Variants in AGTPBP1 observed in about 807,000 individuals in gnomAD.
The protein encoded by AGTPBP1 is ATP/GTP binding carboxypeptidase 1.
A neutral mutation model predicts 143.9 loss-of-function variants in AGTPBP1; 70 were observed. That is an observed-to-expected ratio of 0.49 (90% CI 0.40 to 0.59). The LOEUF is 0.59. AGTPBP1 is among the 20% of genes least tolerant of loss of function. The probability of loss-of-function intolerance (pLI) is 0.00; values close to 1 mark genes in which losing one functional copy is unlikely to be tolerated. For synonymous variants in AGTPBP1, 463 were observed against 500.2 expected (o/e 0.93, Z 0.99); for missense variants, 1,229 against 1,464.5 (o/e 0.84, Z 2.62).
At chr9:85,668,749 G>A (rs1448378693) in intron 8 of AGTPBP1, among the ~76,000 whole-genome samples, 3 of 151,394 alleles carry the variant, frequency 2.0e-5, no homozygotes, top group African/African-American at 7.3e-5. Flanking sequence ...GTTCAGAATT[G>A]TTAAACACAA....
Position 85,741,813 on chromosome 9 carries a change from C to T in AGTPBP1, c.-72G>A. On this transcript the variant is annotated 5_prime_UTR_variant, in exon 1 of 26. Coordinates refer to ENST00000357081, the MANE Select transcript of AGTPBP1 (RefSeq NM_001330701.2). ...GGCGCTGGCGGGGACCGCGCAGAGC[C>T]GCAGCACCCGGCTCAGCACCTGGAT... 1 of 1,382,130 alleles carries T rather than the reference C, an allele frequency of 7.2e-7. No homozygotes were observed. The highest frequency in any genetic ancestry group is 9.3e-7 in the Non-Finnish European group (1 of 1,069,730). 85.6% of individuals were successfully genotyped at this position (1,382,130 alleles called of 1,614,324 possible).
At chr9:85,753,384 A>T in the AGTPBP1 span, 4 of 1,613,952 alleles carry the variant, frequency 2.5e-6, no homozygotes, top group South Asian at 4.4e-5. Flanking sequence ...CTTGAAAAGG[A>T]GAAAAGGTTC....
At chr9:85,642,494 A>C (rs1832544749) in intron 13 of AGTPBP1, among the ~76,000 whole-genome samples, 1 of 151,836 alleles carries the variant, frequency 6.6e-6, no homozygotes, top group East Asian at 1.9e-4. Context: ...ACACCCAGCT[A>C]ATTTTTTTTT....
At chr9:85,622,254 GA>G (rs1830981461) in intron 14 of AGTPBP1, among the ~76,000 whole-genome samples, 1 of 152,294 alleles carries the variant, frequency 6.6e-6, no homozygotes, top group South Asian at 2.1e-4. Context: ...AGCAGGGTGA[GA>G]AAGTGTACCA....
chr9:85,549,768 G>A (rs879708287), intron 25 of AGTPBP1, among the ~76,000 whole-genome samples: 2 of 152,186 alleles, frequency 1.3e-5, no homozygotes, highest in Admixed American at 1.3e-4. Flanking sequence ...TGGAAGGCAA[G>A]TACCTGGAAA....
At chr9:85,699,315 A>G (rs141337256) in intron 2 of AGTPBP1, among the ~76,000 whole-genome samples, 159 of 152,136 alleles carry the variant, frequency 1.0e-3, no homozygotes, top group Middle Eastern at 3.4e-3. Flanking sequence ...TTATCACTCA[A>G]ATATTTGTTT....
At position 85,579,084 on chromosome 9, in the gene AGTPBP1, T is replaced by C. The variant is rs368278786; in HGVS notation, c.3178A>G (p.Ile1060Val). 1 of 1,599,578 alleles carries C rather than the reference T, an allele frequency of 6.3e-7. No homozygotes were observed. Among genetic ancestry groups the C allele is most frequent in the South Asian group, 1.1e-5 (1 of 87,594 alleles). ...AATGCTGGGGCGATATGGCTCAGTA[T>C]CTTAGGCAATGTCTGTTAAAAACAA... ...EDTGYRTLPK[I>V]LSHIAPAFCM... Residue 1060 changes from isoleucine to valine, a missense_variant, in exon 24 of 26, where the codon ATA becomes GTA. Coordinates refer to ENST00000357081, the MANE Select transcript of AGTPBP1 (RefSeq NM_001330701.2).
At chr9:85,721,640 T>C (rs1414168809) in intron 1 of AGTPBP1, among the ~76,000 whole-genome samples, 3 of 152,216 alleles carry the variant, frequency 2.0e-5, no homozygotes, top group South Asian at 2.1e-4. Context: ...CCAGTCTATG[T>C]CTTTTAATTG....
chr9:85,585,374 A>T, intron 23 of AGTPBP1, 89 bp downstream of exon 23: 3 of 1,232,406 alleles, frequency 2.4e-6, no homozygotes, highest in Non-Finnish European at 3.2e-6. Flanking sequence ...GTCAATATTT[A>T]TTGAATGTGA....
In AGTPBP1 at chr9:85,672,612, T is replaced by C. The variant is rs1834555789; in HGVS notation, c.506A>G (p.Asn169Ser). 6.2e-7 allele frequency: 1 copy of C among 1,613,932 alleles called. No individual in the cohort carries two copies. Among genetic ancestry groups the C allele is most frequent in the Non-Finnish European group, 8.5e-7 (1 of 1,179,930 alleles). ...LNITLNLVKQ[N>S]LQNHRLVLPC... ...TAGAACCAAGCGATGATTCTGCAAA[T>C]TCTGCTTGACCAAATTCAGGGTTAT... Residue 169 changes from asparagine to serine, a missense_variant, in exon 7 of 26, where the codon AAT becomes AGT. Asn to Ser is a conservative substitution (Grantham distance 46). This residue lies in a region of AGTPBP1 where 743 missense variants were observed against 812.2 expected (regional missense o/e 0.91). Transcript: ENST00000357081.
rs764508777 is a variant in AGTPBP1 at position 85,681,305 on chromosome 9, C to T, written c.188G>A (p.Gly63Asp). 1.9e-6 allele frequency: 3 copies of T among 1,612,254 alleles called. No homozygotes were observed. The highest frequency in any genetic ancestry group is 1.7e-6 in the Non-Finnish European group (2 of 1,179,626). Residue 63 changes from glycine (G) to aspartate (D), a missense_variant, in exon 4 of 26, where the codon GGT becomes GAT. Around this residue, in one of 2 missense-constraint regions of AGTPBP1, gnomAD observed 743 missense variants for 812.2 expected, o/e 0.91. Transcript: ENST00000357081. ...EKTRREMTAKGSTGMEILLST... is the reference protein window; with the variant it reads ...EKTRREMTAKDSTGMEILLST... ...CAGCAGAATTTCCATTCCTGTAGAA[C>T]CTTTGGCTGTCATTTCTCTCCTTGT...
chr9:85,697,183 A>C (rs530278120), intron 2 of AGTPBP1, among the ~76,000 whole-genome samples: 7 of 152,196 alleles, frequency 4.6e-5, no homozygotes, highest in African/African-American at 7.2e-5. Context: ...AACACACACA[A>C]AAAAATGTAT....
intron 25 of AGTPBP1, among the ~76,000 whole-genome samples, chr9:85,568,134 G>A (rs1827227046): frequency 6.6e-6 from 1 of 152,170 alleles, no homozygotes; most frequent in Non-Finnish European, 1.5e-5. Context: ...GTGGTCCATT[G>A]ACCAGTGTGG....
chr9:85,735,513 A>T (rs1839187364), intron 1 of AGTPBP1, among the ~76,000 whole-genome samples: 1 of 152,242 alleles, frequency 6.6e-6, no homozygotes, highest in South Asian at 2.1e-4. Context: ...TACACACTTA[A>T]AAGTGATTTA....
At chr9:85,637,176 G>A (rs1418564315) in intron 13 of AGTPBP1, among the ~76,000 whole-genome samples, 1 of 151,716 alleles carries the variant, frequency 6.6e-6, no homozygotes, top group Non-Finnish European at 1.5e-5. Flanking sequence ...CAAACAGCTG[G>A]GATTACAGGT....
chr9:85,562,038 G>T lies in AGTPBP1; in HGVS notation c.3503+13277C>A, dbSNP rs141356392. Reference sequence around the variant, plus strand: ...GTAGAGATGGGGTTTCACCATCTTGGCCAGGATGCTCTTGAACTCCTCACC... The same window carrying T: ...GTAGAGATGGGGTTTCACCATCTTGTCCAGGATGCTCTTGAACTCCTCACC... On this transcript the variant is annotated intron_variant, in intron 25 of 25. Coordinates refer to ENST00000357081, the MANE Select transcript of AGTPBP1 (RefSeq NM_001330701.2). Among the ~76,000 whole-genome samples the T allele has an allele frequency of 3.7e-3, 555 of 151,916 alleles. 4 individuals are homozygous for T. Among genetic ancestry groups the T allele is most frequent in the South Asian group, 0.011 (53 of 4,802 alleles).
At chr9:85,653,802 T>C (rs1329415365) in intron 11 of AGTPBP1, among the ~76,000 whole-genome samples, 1 of 152,228 alleles carries the variant, frequency 6.6e-6, no homozygotes, top group Non-Finnish European at 1.5e-5. Context: ...ATTTGTTCCA[T>C]GCCCCTCTTA....
chr9:85,719,054 C>T (rs975967852), intron 1 of AGTPBP1, among the ~76,000 whole-genome samples: 1 of 152,130 alleles, frequency 6.6e-6, no homozygotes, highest in Non-Finnish European at 1.5e-5. Context: ...CAGTACCATG[C>T]TGTTTTAGTT....
intron 10 of AGTPBP1, 150 bp from the exon 11 acceptor site, chr9:85,655,470 A>G: frequency 1.4e-6 from 1 of 716,182 alleles, no homozygotes; most frequent in Non-Finnish European, 2.2e-6. Context: ...ATTACAAAAT[A>G]GCTTTACTAT....
Sources: allele counts gnomAD v4.1 joint callset (sites outside exome capture counted in the v4.1 genomes callset), GRCh38; gene constraint gnomAD v4.1.1; regional missense constraint gnomAD v4.1.1; transcripts MANE v1.5; gene names NCBI Gene and HGNC (gene_info 2026-07-23, HGNC 2026-07-21).